Variants in DGKK observed in about 807,000 individuals in gnomAD.
DGKK encodes 142 kDa diacylglycerol kinase.
DGKK carries 35 observed loss-of-function variants against 92.2 expected under a neutral mutation model. That is an observed-to-expected ratio of 0.38 (90% CI 0.29 to 0.50). The LOEUF (loss-of-function observed/expected upper bound fraction) is 0.50, where lower values mean the gene tolerates loss of function less well. Among genes scored for constraint, DGKK ranks in the 20% least tolerant of loss-of-function variants. DGKK has a pLI of 0.92. For missense variants in DGKK, 910 were observed against 992.2 expected (o/e 0.92, Z 1.11); for synonymous variants, 368 against 360.6 (o/e 1.02, Z -0.23).
At chrX:50,464,161 G>A (rs1557233717) in intron 1 of DGKK, among the ~76,000 whole-genome samples, 1 of 96,073 alleles carries the variant, frequency 1.0e-5, no homozygotes, top group Non-Finnish European at 2.1e-5. Context: ...TTTTGGTTGT[G>A]TTTTGACAGG....
intron 1 of DGKK, among the ~76,000 whole-genome samples, chrX:50,436,452 G>T (rs1200449423): frequency 4.5e-5 from 5 of 111,721 alleles, no homozygotes; most frequent in Non-Finnish European, 9.4e-5. Context: ...TCAGTGGAAG[G>T]AAAAAAGGAA....
At position 50,439,098 on chromosome X, in the gene DGKK, G is replaced by T. The variant is rs145817664; in HGVS notation, c.646-14740C>A. On this transcript the variant is annotated intron_variant, in intron 1 of 27. Coordinates refer to ENST00000611977, the MANE Select transcript of DGKK (RefSeq NM_001013742.4). ...TGATGGATATTTATAAAGTGAAATT[G>T]AATTGGGGAAAACACATCTGGAGAG... 9.6e-3 allele frequency among the ~76,000 whole-genome samples: 1,077 copies of T among 111,618 alleles called. 13 individuals carry two copies. Among genetic ancestry groups the T allele is most frequent in the African/African-American group, 0.032 (999 of 30,800 alleles).
chrX:50,379,356 T>C (rs1924355125), intron 20 of DGKK, among the ~76,000 whole-genome samples: 1 of 108,602 alleles, frequency 9.2e-6, no homozygotes, highest in African/African-American at 3.4e-5. Context: ...AGATAGCCTT[T>C]AAAGGATCTG....
intron 3 of DGKK, among the ~76,000 whole-genome samples, chrX:50,421,279 G>T (rs1240714539): frequency 1.8e-5 from 2 of 111,771 alleles, no homozygotes; most frequent in Non-Finnish European, 3.8e-5. Context: ...ATCATGGATA[G>T]CTACAGCATC....
At chrX:50,374,131 A>G (rs1335615918) in intron 25 of DGKK, among the ~76,000 whole-genome samples, 1 of 112,084 alleles carries the variant, frequency 8.9e-6, no homozygotes, top group Non-Finnish European at 1.9e-5. Flanking sequence ...TCCCCAGTAC[A>G]TCAGAATGTG....
intron 1 of DGKK, among the ~76,000 whole-genome samples, chrX:50,463,367 C>T (rs1416513307): frequency 0.067 from 3 of 45 alleles, no homozygotes; most frequent in Admixed American, 0.18. Context: ...TTTTCCCTCT[C>T]CACCTCTCCC....
rs1557223245 is a variant in DGKK, at chrX:50,371,795, G to A, written c.3541C>T (p.Leu1181=). 1 of 1,207,591 alleles carries A rather than the reference G, an allele frequency of 8.3e-7. No individual in the cohort carries two copies. Among genetic ancestry groups the A allele is most frequent in the Non-Finnish European group, 1.1e-6 (1 of 892,992 alleles). ...AEDETALQSA[L]DAMNKEFKKL... ...TTGAACTCCTTATTCATGGCATCCA[G>A]GGCGCTTTGTAGTGCAGTCTCATCC... Residue 1181 remains leucine, a synonymous_variant, in exon 26 of 28, where the codon CTG becomes TTG. Transcript: ENST00000611977.
chrX:50,461,751 A>G (rs1259663303), intron 1 of DGKK, among the ~76,000 whole-genome samples: 1 of 112,495 alleles, frequency 8.9e-6, no homozygotes, highest in Non-Finnish European at 1.9e-5. Flanking sequence ...TGTTAAACAC[A>G]TAGCACATAG....
intron 4 of DGKK, among the ~76,000 whole-genome samples, chrX:50,418,322 C>T (rs1319083486): frequency 8.9e-6 from 1 of 112,028 alleles, no homozygotes; most frequent in African/African-American, 3.2e-5. Flanking sequence ...CTATTACCTA[C>T]AAAGCTCATT....
At chrX:50,421,683 ATCT>A (rs1925592424) in intron 3 of DGKK, among the ~76,000 whole-genome samples, 1 of 111,804 alleles carries the variant, frequency 8.9e-6, no homozygotes, top group Admixed American at 9.5e-5. Flanking sequence ...ACAAAGCAAA[ATCT>A]TCTTCTTAGA....
intron 23 of DGKK, among the ~76,000 whole-genome samples, chrX:50,376,469 T>G (rs1333660676): frequency 8.9e-6 from 1 of 111,850 alleles, no homozygotes; most frequent in Non-Finnish European, 1.9e-5. Context: ...TCCAAGGCCC[T>G]CCTGATATTT....
At chrX:50,403,697 T>A in intron 5 of DGKK, 100 bp from the exon 6 acceptor site, 1 of 660,763 alleles carries the variant, frequency 1.5e-6, no homozygotes, top group Admixed American at 2.6e-5. Context: ...CACAGATGCA[T>A]TCTAAATAGT....
At chrX:50,372,092 T>G (rs144574397) in intron 25 of DGKK, among the ~76,000 whole-genome samples, 11 of 111,827 alleles carry the variant, frequency 9.8e-5, no homozygotes, top group African/African-American at 3.6e-4. Context: ...CAATTAACAC[T>G]GAGCTTCACC....
rs192483220 is a variant in DGKK, at chrX:50,442,087, A to G, written c.646-17729T>C. 6.3e-5 allele frequency among the ~76,000 whole-genome samples: 7 copies of G among 111,274 alleles called. No individual in the cohort carries two copies. In the East Asian group the frequency reaches 1.7e-3, roughly 27 times the overall value. On this transcript the variant is annotated intron_variant, in intron 1 of 27. Transcript: ENST00000611977. ...AATTAATTTCCTCAAGGTAAATCTC[A>G]CAAGGCCATTTCTTCACATAACAAA...
At chrX:50,441,516 G>T (rs782064398) in intron 1 of DGKK, among the ~76,000 whole-genome samples, 1 of 111,683 alleles carries the variant, frequency 9.0e-6, no homozygotes, top group South Asian at 3.7e-4. Context: ...GCAAAATTCC[G>T]TGTATAAAAC....
At chrX:50,431,470 T>C (rs782765684) in intron 1 of DGKK, among the ~76,000 whole-genome samples, 13 of 111,710 alleles carry the variant, frequency 1.2e-4, no homozygotes, top group Non-Finnish European at 2.3e-4. Flanking sequence ...CTGTTATTAG[T>C]TGGCTGCTCT....
At chrX:50,391,072 C>A (rs1213890028) in intron 11 of DGKK, among the ~76,000 whole-genome samples, 3 of 111,321 alleles carry the variant, frequency 2.7e-5, no homozygotes, top group Non-Finnish European at 5.7e-5. Flanking sequence ...GGCCCCTGCT[C>A]TAGAATCGTC....
chrX:50,434,491 GGT>G (rs1569544899), intron 1 of DGKK, among the ~76,000 whole-genome samples: 1 of 110,695 alleles, frequency 9.0e-6, no homozygotes, highest in Non-Finnish European at 1.9e-5. Context: ...ACATGATGAC[GGT>G]TATCATGATC....
intron 4 of DGKK, among the ~76,000 whole-genome samples, chrX:50,416,841 G>A (rs1171834410): frequency 9.0e-6 from 1 of 111,057 alleles, no homozygotes; most frequent in Non-Finnish European, 1.9e-5. Context: ...TGATCTATAC[G>A]ATTCAGTTGT....
Sources: gnomAD v4.1 joint callset for allele counts (sites outside exome capture counted in the v4.1 genomes callset) on GRCh38, gnomAD v4.1.1 for gene constraint, MANE v1.5 for transcripts, NCBI Gene and HGNC (gene_info 2026-07-23, HGNC 2026-07-21) for gene names.